CDK14: variants seen among roughly 807,000 people sequenced by gnomAD.
The protein encoded by CDK14 is cyclin-dependent kinase 14.
CDK14 carries 34 observed loss-of-function variants against 60.7 expected under a neutral mutation model. The ratio of observed to expected loss-of-function variants is 0.56; its 90% CI spans 0.43 to 0.75. The LOEUF (loss-of-function observed/expected upper bound fraction) is 0.75. Ranked by LOEUF, CDK14 falls within the 30% of genes least tolerant of loss-of-function variation. The probability of loss-of-function intolerance (pLI) is 0.00; values close to 1 mark genes in which losing one functional copy is unlikely to be tolerated. For missense variants in CDK14, 482 were observed against 564.1 expected, an observed-to-expected ratio of 0.85 and a Z score of 1.47; for synonymous variants, 197 against 203.7, an observed-to-expected ratio of 0.97 and a Z score of 0.28.
intron 2 of CDK14, among the ~76,000 whole-genome samples, chr7:90,619,437 T>G (rs1563017981): frequency 6.6e-6 from 1 of 152,176 alleles, no homozygotes; most frequent in African/African-American, 2.4e-5. Flanking sequence ...ATATTTACAG[T>G]TTTTTTGTCT....
chr7:90,689,731 A>G lies in CDK14; in HGVS notation c.124-36836A>G, dbSNP rs78404502. ...TTATAAAATGAGTTTCCATAATCCT[A>G]TATCTTTCCATAATTCCAGGGAATT... On this transcript the variant is annotated intron_variant, in intron 2 of 14. Transcript: ENST00000380050. Among the ~76,000 whole-genome samples the G allele has an allele frequency of 7.9e-3, 1,200 of 152,296 alleles. 11 individuals are homozygous for G. Among genetic ancestry groups the G allele is most frequent in the Non-Finnish European group, 0.012 (836 of 68,014 alleles).
intron 5 of CDK14, among the ~76,000 whole-genome samples, chr7:90,848,885 T>G (rs1790554200): frequency 6.6e-6 from 1 of 152,248 alleles, no homozygotes; most frequent in Non-Finnish European, 1.5e-5. Flanking sequence ...TATAATTTTA[T>G]TTTTGCCTAT....
intron 8 of CDK14, among the ~76,000 whole-genome samples, chr7:90,941,057 G>A (rs542186885): frequency 1.3e-5 from 2 of 152,278 alleles, no homozygotes; most frequent in African/African-American, 4.8e-5. Context: ...TCATGTGATG[G>A]TTATGCTTCA....
intron 14 of CDK14, among the ~76,000 whole-genome samples, chr7:91,201,666 T>G (rs1802732812): frequency 6.6e-6 from 1 of 152,136 alleles, no homozygotes; most frequent in South Asian, 2.1e-4. Context: ...CCCTCCGGCA[T>G]GTAAACTGCA....
chr7:90,823,463 T>TG (rs1473586915), intron 5 of CDK14, among the ~76,000 whole-genome samples: 1 of 152,222 alleles, frequency 6.6e-6, no homozygotes, highest in African/African-American at 2.4e-5. Context: ...TCCTTCAATT[T>TG]GGATGTACTT....
At chr7:90,604,304 G>C in intron 2 of CDK14, 55 bp downstream of exon 2, 1 of 1,120,022 alleles carries the variant, frequency 8.9e-7, no homozygotes, top group Non-Finnish European at 1.2e-6. Context: ...ACCAGGTAAA[G>C]TCAGTAGCTG....
At chr7:91,201,116 A>T (rs977669035) in intron 14 of CDK14, among the ~76,000 whole-genome samples, 1 of 152,168 alleles carries the variant, frequency 6.6e-6, no homozygotes, top group Non-Finnish European at 1.5e-5. Flanking sequence ...TTTGAATTCT[A>T]CATTTGAGAA....
intron 4 of CDK14, among the ~76,000 whole-genome samples, chr7:90,761,750 C>G (rs1196977583): frequency 6.6e-6 from 1 of 152,044 alleles, no homozygotes; most frequent in Non-Finnish European, 1.5e-5. Flanking sequence ...TTATTTGGCC[C>G]AAAATGACAT....
At chr7:90,817,417 G>A (rs1562784649) in intron 5 of CDK14, among the ~76,000 whole-genome samples, 3 of 152,008 alleles carry the variant, frequency 2.0e-5, no homozygotes, top group African/African-American at 7.3e-5. Context: ...CGGTGGTTCT[G>A]TTATCTGTGA....
At chr7:91,204,905 A>G (rs1212771539) in intron 14 of CDK14, among the ~76,000 whole-genome samples, 1 of 151,968 alleles carries the variant, frequency 6.6e-6, no homozygotes. Context: ...CTAGGATTAC[A>G]TCACTGCACT....
intron 14 of CDK14, among the ~76,000 whole-genome samples, chr7:91,175,583 A>C (rs1001857755): frequency 1.3e-5 from 2 of 152,118 alleles, no homozygotes; most frequent in African/African-American, 4.8e-5. Context: ...GCAGAGACAC[A>C]CATAGGCTCA....
chr7:90,846,976 T>C (rs1258873206), intron 5 of CDK14, among the ~76,000 whole-genome samples: 1 of 152,218 alleles, frequency 6.6e-6, no homozygotes, highest in Non-Finnish European at 1.5e-5. Flanking sequence ...TGATTGCTCA[T>C]TATTCTCTTT....
At chr7:90,649,841 T>C (rs1030669437) in intron 2 of CDK14, among the ~76,000 whole-genome samples, 1 of 152,192 alleles carries the variant, frequency 6.6e-6, no homozygotes, top group East Asian at 1.9e-4. Flanking sequence ...GTGCCACATT[T>C]TCTTAATCCA....
At chr7:90,737,011 T>A (rs1803142991) in intron 3 of CDK14, among the ~76,000 whole-genome samples, 1 of 152,176 alleles carries the variant, frequency 6.6e-6, no homozygotes, top group Non-Finnish European at 1.5e-5. Flanking sequence ...AGTGGTATAT[T>A]TTAAGAGGGT....
At chr7:90,798,979 G>A (rs1243395278) in intron 5 of CDK14, among the ~76,000 whole-genome samples, 1 of 152,154 alleles carries the variant, frequency 6.6e-6, no homozygotes, top group Non-Finnish European at 1.5e-5. Flanking sequence ...AAATGTCTTA[G>A]GATATTCCAT....
At chr7:91,166,214 A>G (rs1214319109) in intron 14 of CDK14, among the ~76,000 whole-genome samples, 1 of 152,250 alleles carries the variant, frequency 6.6e-6, no homozygotes, top group African/African-American at 2.4e-5. Flanking sequence ...AAGTCTAACA[A>G]ATTCATGTAG....
chr7:91,062,252 C>T (rs886684778), intron 11 of CDK14, among the ~76,000 whole-genome samples: 19 of 152,244 alleles, frequency 1.2e-4, no homozygotes, highest in Admixed American at 3.3e-4. Context: ...ATTGGAAAAG[C>T]GCAGTATTAG....
chr7:90,636,164 A>T lies in CDK14; in HGVS notation c.123+31915A>T, dbSNP rs995593244. Among the ~76,000 whole-genome samples, 143 of 151,648 alleles carry T rather than the reference A, an allele frequency of 9.4e-4. 1 individual carries two copies. Among genetic ancestry groups the T allele is most frequent in the African/African-American group, 3.2e-3 (131 of 41,248 alleles). Reference sequence around the variant, plus strand: ...CTAATTGCCCTGGCCAGAACTTCCAACACTATGTTGAATAGGAGTGGTGAG... The same window carrying T: ...CTAATTGCCCTGGCCAGAACTTCCATCACTATGTTGAATAGGAGTGGTGAG... On this transcript the variant is annotated intron_variant, in intron 2 of 14. Transcript: ENST00000380050.
intron 14 of CDK14, among the ~76,000 whole-genome samples, chr7:91,126,139 G>T (rs1799936948): frequency 6.6e-6 from 1 of 152,038 alleles, no homozygotes; most frequent in African/African-American, 2.4e-5. Context: ...ACCATCTCCG[G>T]GATCATTCTT....
Sources: allele counts gnomAD v4.1 joint callset (sites outside exome capture counted in the v4.1 genomes callset), GRCh38; gene constraint gnomAD v4.1.1; transcripts MANE v1.5; gene names NCBI Gene and HGNC (gene_info 2026-07-23, HGNC 2026-07-21).